Variants in FGF14 observed in about 807,000 individuals in gnomAD.
FGF14 encodes fibroblast growth factor 14.
FGF14 carries 5 observed loss-of-function variants against 25.5 expected under a neutral mutation model. The ratio of observed to expected loss-of-function variants is 0.20; its 90% confidence interval spans 0.10 to 0.41. The LOEUF is 0.41. FGF14 is among the 10% of genes least tolerant of loss of function. The pLI is 1.00. For missense variants in FGF14, 222 were observed against 320.1 expected (o/e 0.69, Z 2.34); for synonymous variants, 138 against 118.3 (o/e 1.17, Z -1.08).
At chr13:101,753,381 C>T (rs1383774407) in intron 3 of FGF14, among the ~76,000 whole-genome samples, 2 of 151,750 alleles carry the variant, frequency 1.3e-5, no homozygotes, top group African/African-American at 2.4e-5. Flanking sequence ...TATTTTAGTT[C>T]CACCTTCTCA....
chr13:102,117,554 T>C (rs2045530643), intron 1 of FGF14, among the ~76,000 whole-genome samples: 1 of 105,106 alleles, frequency 9.5e-6, no homozygotes, highest in African/African-American at 4.8e-5. Flanking sequence ...TACAAAATAC[T>C]ATAAGGCACA....
chr13:101,792,713 T>C (rs1483211885), intron 3 of FGF14, among the ~76,000 whole-genome samples: 1 of 152,142 alleles, frequency 6.6e-6, no homozygotes, highest in Non-Finnish European at 1.5e-5. Flanking sequence ...ACCAATTAAC[T>C]CTACATTTAA....
rs3927443 is a variant in FGF14, at chr13:101,816,286, T to A, written c.408+52439A>T. On this transcript the variant is annotated intron_variant, in intron 3 of 4. Coordinates refer to ENST00000376143, the MANE Select transcript of FGF14 (RefSeq NM_004115.4). ...CTCCGTCTCAAAAAAAAAAAAAAAA[T>A]TTGGCTTACCCGAAATCTAAAGGGA... Among the ~76,000 whole-genome samples the A allele has an allele frequency of 6.8e-4, 87 of 127,288 alleles. 1 individual carries two copies. The highest frequency in any genetic ancestry group is 4.1e-3 in the Middle Eastern group (1 of 244). The allele number at this position is 127,288 out of a possible 152,430, so 83.5% of individuals were successfully genotyped here. A position where few individuals can be genotyped will look rare whatever the true frequency, so the allele number is the denominator to read the frequency against.
At chr13:102,074,408 T>G (rs1026118982) in intron 1 of FGF14, among the ~76,000 whole-genome samples, 17 of 152,346 alleles carry the variant, frequency 1.1e-4, no homozygotes, top group Non-Finnish European at 1.0e-4. Context: ...AGCATTCTTC[T>G]GAACCATGAC....
chr13:101,796,145 T>C (rs1192804667), intron 3 of FGF14, among the ~76,000 whole-genome samples: 1 of 152,156 alleles, frequency 6.6e-6, no homozygotes, highest in Non-Finnish European at 1.5e-5. Context: ...TGAGTGGTCA[T>C]GTTTTTCTTC....
chr13:102,135,959 G>A (rs544791109), intron 1 of FGF14, among the ~76,000 whole-genome samples: 39 of 152,074 alleles, frequency 2.6e-4, no homozygotes, highest in Admixed American at 7.9e-4. Context: ...CCCGGCCCCC[G>A]TTAAATTTTA....
chr13:102,162,358 G>A (rs1273268214), intron 1 of FGF14, among the ~76,000 whole-genome samples: 2 of 152,122 alleles, frequency 1.3e-5, no homozygotes, highest in Admixed American at 6.5e-5. Flanking sequence ...TGGCAAAAGC[G>A]GCCATGAGCT....
chr13:101,911,000 T>C (rs1297212435), intron 1 of FGF14, among the ~76,000 whole-genome samples: 3 of 151,942 alleles, frequency 2.0e-5, no homozygotes, highest in African/African-American at 4.8e-5. Context: ...TGGGGAGACA[T>C]TAATATAAAT....
Position 102,363,782 on chromosome 13 carries a change from CTCTA to C in FGF14, c.208+37685_208+37688del, listed in dbSNP as rs750573711. Among the ~76,000 whole-genome samples the C allele has an allele frequency of 1.1e-4, 17 of 152,192 alleles. No individual in the cohort carries two copies. In the East Asian group the frequency reaches 1.4e-3, roughly 12 times the overall value. On this transcript the variant is annotated intron_variant, in intron 1 of 4. Transcript: ENST00000376131. ...CTCTGAATAGTTTGATTGATTTCTTCTCTATCTGTCTTCCACAAATGTATAGCCA... is the reference window on the plus strand; with the variant it reads ...CTCTGAATAGTTTGATTGATTTCTTCTCTGTCTTCCACAAATGTATAGCCA...
chr13:102,309,315 A>G (rs1433809640), intron 1 of FGF14, among the ~76,000 whole-genome samples: 1 of 152,170 alleles, frequency 6.6e-6, no homozygotes, highest in Non-Finnish European at 1.5e-5. Flanking sequence ...GTTCTCCTAC[A>G]AGCATAAAGG....
At chr13:101,888,538 C>T (rs993093944) in intron 1 of FGF14, among the ~76,000 whole-genome samples, 2 of 152,040 alleles carry the variant, frequency 1.3e-5, no homozygotes, top group East Asian at 3.9e-4. Context: ...AATATGATTC[C>T]TACTGACATT....
chr13:101,900,626 A>C (rs1288966426), intron 1 of FGF14, among the ~76,000 whole-genome samples: 1 of 152,176 alleles, frequency 6.6e-6, no homozygotes, highest in Non-Finnish European at 1.5e-5. Context: ...CAAGTAGGCA[A>C]GACTAATATA....
rs540871683 is a variant in FGF14 at position 101,876,740 on chromosome 13, T to C, written c.194-1444A>G. Among the ~76,000 whole-genome samples the C allele has an allele frequency of 5.2e-4, 79 of 152,288 alleles. 1 individual carries two copies. The highest frequency in any genetic ancestry group is 1.1e-3 in the Non-Finnish European group (72 of 68,020). On this transcript the variant is annotated intron_variant, in intron 1 of 4. Transcript: ENST00000376143. ...TGATTATTGCATTGCGTTACATATG[T>C]TCCTTATTCTGTAGTATATAACTTC...
intron 1 of FGF14, among the ~76,000 whole-genome samples, chr13:102,037,055 A>G (rs1381175724): frequency 6.6e-6 from 1 of 152,110 alleles, no homozygotes; most frequent in Non-Finnish European, 1.5e-5. Context: ...TCAGTGCACA[A>G]TTGGGGAAAA....
At chr13:102,059,516 A>G (rs2042581161) in intron 1 of FGF14, among the ~76,000 whole-genome samples, 1 of 152,274 alleles carries the variant, frequency 6.6e-6, no homozygotes, top group Non-Finnish European at 1.5e-5. Context: ...GGAACTATGC[A>G]AGTCTTCTAA....
intron 3 of FGF14, among the ~76,000 whole-genome samples, chr13:101,772,285 T>C (rs747254649): frequency 6.6e-6 from 1 of 152,104 alleles, no homozygotes; most frequent in African/African-American, 2.4e-5. Context: ...AGCCAATCCA[T>C]TGTTGCCTGC....
intron 1 of FGF14, among the ~76,000 whole-genome samples, chr13:102,374,472 T>C (rs1313640429): frequency 6.6e-6 from 1 of 151,534 alleles, no homozygotes; most frequent in Admixed American, 6.6e-5. Context: ...GCATGATGGT[T>C]CATTTAAGTG....
chr13:102,342,206 G>A (rs1163935732), intron 1 of FGF14, among the ~76,000 whole-genome samples: 1 of 152,084 alleles, frequency 6.6e-6, no homozygotes, highest in African/African-American at 2.4e-5. Context: ...TTTCTGCAGG[G>A]GAACAATGAA....
intron 3 of FGF14, among the ~76,000 whole-genome samples, chr13:101,836,911 T>C (rs2042951786): frequency 1.3e-5 from 2 of 152,066 alleles, no homozygotes. Context: ...ATAGTTCATG[T>C]TTATAGAGCT....
Sources: gnomAD v4.1 joint callset for allele counts (sites outside exome capture counted in the v4.1 genomes callset) on GRCh38, gnomAD v4.1.1 for gene constraint, MANE v1.5 for transcripts, NCBI Gene and HGNC (gene_info 2026-07-23, HGNC 2026-07-21) for gene names.